The following ZPBP variants were observed in gnomAD, a reference collection of about 807,000 sequenced individuals.
ZPBP encodes the protein zona pellucida binding protein.
A neutral mutation model predicts 44.8 loss-of-function variants in ZPBP; 26 were observed. That is an observed-to-expected ratio of 0.58 (90% CI 0.43 to 0.81). The LOEUF is 0.81. ZPBP is among the 30% of genes least tolerant of loss of function. The pLI is 0.00. For synonymous variants in ZPBP, 174 were observed against 153.2 expected (o/e 1.14, Z -1.00); for missense variants, 409 against 434.0 (o/e 0.94, Z 0.51).
At chr7:49,878,104 G>A (rs7809987) in intron 2 of ZPBP, among the ~76,000 whole-genome samples, 1 of 151,858 alleles carries the variant, frequency 6.6e-6, no homozygotes, top group Non-Finnish European at 1.5e-5. Context: ...TCCCCTTGAC[G>A]TAAATGTTAA....
intron 3 of ZPBP, among the ~76,000 whole-genome samples, chr7:50,065,909 A>C (rs989214909): frequency 4.0e-5 from 6 of 151,096 alleles, no homozygotes. Context: ...CTGTAGACCA[A>C]AAAGGTAGCT....
At chr7:49,893,639 T>TA (rs1015575235) in intron 2 of ZPBP, among the ~76,000 whole-genome samples, 3 of 71,712 alleles carry the variant, frequency 4.2e-5, no homozygotes, top group African/African-American at 1.4e-4. Flanking sequence ...AAACCAGTTT[T>TA]TTTTTTTTTT....
intron 7 of ZPBP, among the ~76,000 whole-genome samples, chr7:49,948,216 T>C (rs1795185734): frequency 6.6e-6 from 1 of 152,186 alleles, no homozygotes; most frequent in African/African-American, 2.4e-5. Context: ...AAGCTAATGC[T>C]TGATTCTTAT....
intron 5 of ZPBP, among the ~76,000 whole-genome samples, chr7:50,028,077 T>A (rs1295324959): frequency 6.8e-6 from 1 of 147,394 alleles, no homozygotes; most frequent in Non-Finnish European, 1.5e-5. Context: ...AGCATTACCC[T>A]GACACCAATG....
chr7:50,042,445 G>A (rs1033667645), intron 4 of ZPBP, among the ~76,000 whole-genome samples: 3 of 152,152 alleles, frequency 2.0e-5, no homozygotes, highest in South Asian at 4.1e-4. Context: ...ACAAAGGCGA[G>A]CCCATCAGAC....
At chr7:49,997,272 G>A (rs73695142) in intron 6 of ZPBP, among the ~76,000 whole-genome samples, 2,007 of 152,174 alleles carry the variant, frequency 0.013, 36 homozygotes, top group African/African-American at 0.045. Flanking sequence ...ATGTTTCAGC[G>A]AATCAATCAA....
rs568357439 is a variant in ZPBP at position 50,023,272 on chromosome 7, T to C, written c.707-4956A>G. Among the ~76,000 whole-genome samples, 11 of 152,164 alleles carry C rather than the reference T, an allele frequency of 7.2e-5. No individual in the cohort carries two copies. In the East Asian group the frequency reaches 1.2e-3, roughly 16 times the overall value. ...AAGGACTCAGGCTCTCTGAAAAAACTGAGAGCAAATCACAGACTTACAGGA... is the reference window on the plus strand; with the variant it reads ...AAGGACTCAGGCTCTCTGAAAAAACCGAGAGCAAATCACAGACTTACAGGA... On this transcript the variant is annotated intron_variant, in intron 5 of 7. Transcript: ENST00000046087.
intron 7 of ZPBP, among the ~76,000 whole-genome samples, chr7:49,979,300 T>C: frequency 6.6e-6 from 1 of 152,014 alleles, no homozygotes. Flanking sequence ...ATTTTTCCCT[T>C]AACAGTCTCT....
At chr7:49,906,275 G>T (rs1448306945) in intron 1 of ZPBP, among the ~76,000 whole-genome samples, 2 of 151,772 alleles carry the variant, frequency 1.3e-5, no homozygotes, top group African/African-American at 2.4e-5. Context: ...ATAATAATAA[G>T]GACAAAAAAT....
intron 2 of ZPBP, among the ~76,000 whole-genome samples, chr7:49,897,191 G>A (rs575738560): frequency 7.8e-4 from 119 of 152,202 alleles, no homozygotes; most frequent in African/African-American, 2.6e-3. Context: ...CACCGCGCCC[G>A]GCCGGATTGA....
intron 1 of ZPBP, among the ~76,000 whole-genome samples, chr7:49,931,492 G>C (rs1794440859): frequency 6.6e-6 from 1 of 152,192 alleles, no homozygotes; most frequent in African/African-American, 2.4e-5. Flanking sequence ...TATGCAAAGA[G>C]ACTGGTGGCA....
chr7:50,060,205 T>A (rs1801175740), intron 3 of ZPBP, among the ~76,000 whole-genome samples: 1 of 150,466 alleles, frequency 6.6e-6, no homozygotes. Context: ...ATTCTTGGAG[T>A]GTTGGCGGGG....
At chr7:49,965,498 CA>C (rs1208131023) in intron 7 of ZPBP, among the ~76,000 whole-genome samples, 5 of 151,614 alleles carry the variant, frequency 3.3e-5, no homozygotes, top group African/African-American at 1.2e-4. Context: ...AGAGCTACAC[CA>C]AAAGAAATAT....
At chr7:49,914,719 A>T (rs189453607) in intron 1 of ZPBP, 6 of 152,270 alleles carry the variant, frequency 3.9e-5, no homozygotes, top group Admixed American at 3.9e-4. Flanking sequence ...TTGTCAGAGA[A>T]CTCTTTGCTG....
intron 5 of ZPBP, among the ~76,000 whole-genome samples, chr7:50,018,836 T>A (rs562789417): frequency 1.2e-4 from 18 of 152,164 alleles, no homozygotes; most frequent in African/African-American, 4.3e-4. Flanking sequence ...TACATTCATT[T>A]ATTTAATAAA....
intron 1 of ZPBP, among the ~76,000 whole-genome samples, chr7:49,909,539 A>G (rs1793291765): frequency 6.6e-6 from 1 of 152,122 alleles, no homozygotes; most frequent in Non-Finnish European, 1.5e-5. Context: ...TTTTGGGGCC[A>G]CTGGGTGGGG....
At chr7:49,852,561 C>T (rs1309809749) in intron 2 of ZPBP, among the ~76,000 whole-genome samples, 1 of 151,748 alleles carries the variant, frequency 6.6e-6, no homozygotes, top group African/African-American at 2.4e-5. Flanking sequence ...GGGGATAATG[C>T]TATTTAGTGG....
chr7:49,955,867 T>C (rs1434337791), intron 7 of ZPBP, among the ~76,000 whole-genome samples: 1 of 152,162 alleles, frequency 6.6e-6, no homozygotes, highest in Non-Finnish European at 1.5e-5. Context: ...GGAATAAGTT[T>C]GACATCTAAA....
intron 7 of ZPBP, among the ~76,000 whole-genome samples, chr7:49,962,919 TA>T (rs777080014): frequency 1.1e-4 from 17 of 151,586 alleles, no homozygotes; most frequent in Non-Finnish European, 1.8e-4. Context: ...TTGTCAAGAT[TA>T]AAATTTCTGA....
Sources: gnomAD v4.1 joint callset for allele counts (sites outside exome capture counted in the v4.1 genomes callset) on GRCh38, gnomAD v4.1.1 for gene constraint, MANE v1.5 for transcripts, NCBI Gene and HGNC (gene_info 2026-07-23, HGNC 2026-07-21) for gene names.